The following C1orf105 variants were observed in gnomAD, a reference collection of about 807,000 sequenced individuals.
The protein encoded by C1orf105 is uncharacterized protein C1orf105.
In C1orf105, 17 loss-of-function variants were observed where a neutral mutation model predicts 20.8. The observed-to-expected ratio is 0.82, with a 90% CI of 0.56 to 1.23. C1orf105 has a LOEUF of 1.23. Among genes scored for constraint, C1orf105 ranks in the 50% most tolerant of loss-of-function variants. C1orf105 has a pLI of 0.00. For missense variants in C1orf105, 219 were observed against 213.5 expected, an observed-to-expected ratio of 1.03 and a Z score of -0.16; for synonymous variants, 72 against 72.1, an observed-to-expected ratio of 1.00 and a Z score of 0.01.
At chr1:172,451,039 A>T (rs1325434178) in intron 3 of C1orf105, 1 of 152,272 alleles carries the variant, frequency 6.6e-6, no homozygotes, top group African/African-American at 2.4e-5. Context: ...ATGCTGAGAA[A>T]CAGAAAGGTG....
chr1:172,442,410 G>A (rs1199434718), intron 1 of C1orf105: 1 of 1,614,034 alleles, frequency 6.2e-7, no homozygotes, highest in East Asian at 2.2e-5. Flanking sequence ...TATACCACCA[G>A]ATAACCACAA....
At chr1:172,430,252 A>G in intron 1 of C1orf105, 1 of 685,882 alleles carries the variant, frequency 1.5e-6, no homozygotes, top group Non-Finnish European at 2.6e-6. Context: ...GTAACTTCCC[A>G]CCACAACTGT....
intron 5 of C1orf105, among the ~76,000 whole-genome samples, chr1:172,464,441 A>C (rs1479435675): frequency 3.9e-5 from 6 of 152,242 alleles, no homozygotes; most frequent in Non-Finnish European, 8.8e-5. Context: ...CAAATATGTC[A>C]GTCTTTAGAA....
At chr1:172,425,239 A>T (rs1203182999) in intron 1 of C1orf105, among the ~76,000 whole-genome samples, 1 of 152,146 alleles carries the variant, frequency 6.6e-6, no homozygotes, top group Non-Finnish European at 1.5e-5. Flanking sequence ...TGATGGGCAT[A>T]AGGAGGCAGC....
chr1:172,462,233 G>C lies in C1orf105; in HGVS notation c.329G>C (p.Cys110Ser). 1 of 1,608,206 alleles carries C rather than the reference G, an allele frequency of 6.2e-7. No individual in the cohort carries two copies. Among genetic ancestry groups the C allele is most frequent in the Non-Finnish European group, 8.5e-7 (1 of 1,176,456 alleles). ...GATCCAAAAGCATCCTTTGAGAATT[G>C]TATGAGTTATAGGTAAGTCAACAAT... is the stretch of plus-strand genomic sequence containing the variant. ...PDDPKASFEN[C>S]MSYRMSLHQP... Residue 110 changes from cysteine to serine, a missense_variant, in exon 5 of 7, where the codon TGT becomes TCT. By Grantham distance (112) the Cys-to-Ser change is moderately radical (BLOSUM62 -1). Coordinates refer to ENST00000367727, the MANE Select transcript of C1orf105 (RefSeq NM_139240.4).
intron 1 of C1orf105, chr1:172,442,547 C>T: frequency 6.2e-7 from 1 of 1,614,160 alleles, no homozygotes; most frequent in East Asian, 2.2e-5. Context: ...ACATAGTTAT[C>T]AGGAAAGGGC....
At position 172,468,612 on chromosome 1, in the gene C1orf105, C is replaced by T. The variant is rs374648123; in HGVS notation, c.*18C>T. 26 of 1,608,310 alleles carry T rather than the reference C, an allele frequency of 1.6e-5. No individual in the cohort carries two copies. The highest frequency in any genetic ancestry group is 1.2e-4 in the African/African-American group (9 of 74,734). On this transcript the variant is annotated 3_prime_UTR_variant, in exon 7 of 7. Coordinates refer to ENST00000367727, the MANE Select transcript of C1orf105 (RefSeq NM_139240.4). The stretch of plus-strand genomic sequence containing the variant: ...GGCAGTGAGCGGTAGGAGCTCATCA[C>T]CTCCCAGACTCCCAGAGAGAAAATA...
intron 1 of C1orf105, among the ~76,000 whole-genome samples, chr1:172,434,429 A>C (rs2071971857): frequency 6.6e-6 from 1 of 152,256 alleles, no homozygotes; most frequent in South Asian, 2.1e-4. Flanking sequence ...CAATCAAATT[A>C]GAACTCAGGA....
intron 1 of C1orf105, among the ~76,000 whole-genome samples, chr1:172,426,906 A>T (rs953547090): frequency 8.5e-5 from 13 of 152,196 alleles, no homozygotes; most frequent in Non-Finnish European, 1.8e-4. Flanking sequence ...CATTCTGGGT[A>T]AATCTAACTC....
At chr1:172,453,265 G>A (rs56212963) in intron 3 of C1orf105, 88,673 of 1,443,686 alleles carry the variant, frequency 0.061, 2,899 homozygotes, top group Middle Eastern at 0.11. Flanking sequence ...TAGAGCATCC[G>A]CCTCTGTCTT....
At chr1:172,463,167 G>A (rs1649816126) in intron 5 of C1orf105, among the ~76,000 whole-genome samples, 1 of 152,110 alleles carries the variant, frequency 6.6e-6, no homozygotes, top group Non-Finnish European at 1.5e-5. Context: ...TGCAAAACAT[G>A]GACTCATTCT....
intron 2 of C1orf105, among the ~76,000 whole-genome samples, chr1:172,446,439 C>T (rs1015083154): frequency 2.6e-5 from 4 of 152,196 alleles, no homozygotes; most frequent in African/African-American, 9.7e-5. Context: ...AAATCACCTC[C>T]CCGCTTCAGC....
chr1:172,426,444 C>T (rs1013676765), intron 1 of C1orf105, among the ~76,000 whole-genome samples: 1 of 152,102 alleles, frequency 6.6e-6, no homozygotes, highest in Non-Finnish European at 1.5e-5. Context: ...ATTTTAGCTC[C>T]TGTTTCAATG....
chr1:172,460,538 A>G (rs1342055873), intron 4 of C1orf105, among the ~76,000 whole-genome samples: 1 of 152,238 alleles, frequency 6.6e-6, no homozygotes, highest in Non-Finnish European at 1.5e-5. Context: ...CCATCAAGCT[A>G]GACAACTGTA....
chr1:172,445,107 T>A lies in C1orf105; in HGVS notation c.56T>A (p.Leu19His). Reference protein sequence around the residue: ...SVPKFDKIPWLSEASLVNKPL... With the variant: ...SVPKFDKIPWHSEASLVNKPL... ...CCAAAATTTGACAAGATTCCTTGGC[T>A]TAGTGAGGCCAGCCTTGTAAACAAG... The change falls in exon 2 of 7, where the codon CTT becomes CAT. Residue 19 changes from leucine (L) to histidine (H), a missense_variant. By Grantham distance (99) the Leu-to-His change is moderately conservative. Coordinates refer to ENST00000367727, the MANE Select transcript of C1orf105 (RefSeq NM_139240.4). The A allele has an allele frequency of 6.2e-7, 1 of 1,613,848 alleles. No homozygotes were observed. Among genetic ancestry groups the A allele is most frequent in the Admixed American group, 1.7e-5 (1 of 59,952 alleles).
At chr1:172,453,043 G>A (rs1457409626) in intron 3 of C1orf105, 1 of 1,550,612 alleles carries the variant, frequency 6.4e-7, no homozygotes, top group Non-Finnish European at 8.7e-7. Flanking sequence ...GAGGCCTGCA[G>A]GACATGGCGT....
chr1:172,441,644 C>T (rs559856225), intron 1 of C1orf105: 302 of 1,198,796 alleles, frequency 2.5e-4, no homozygotes, highest in Non-Finnish European at 3.2e-4. Context: ...ATGCTGCTTC[C>T]AGAATGGAAC....
At chr1:172,448,208 CAG>C in intron 2 of C1orf105, among the ~76,000 whole-genome samples, 2 of 152,146 alleles carry the variant, frequency 1.3e-5, no homozygotes, top group African/African-American at 4.8e-5. Flanking sequence ...CTTGTTTGTA[CAG>C]TGTCTGACAA....
intron 4 of C1orf105, among the ~76,000 whole-genome samples, chr1:172,459,485 A>G (rs1046266552): frequency 2.0e-5 from 3 of 152,186 alleles, no homozygotes; most frequent in Non-Finnish European, 4.4e-5. Context: ...TCAAAACCAC[A>G]ATGAGACACA....
Sources: allele counts gnomAD v4.1 joint callset (sites outside exome capture counted in the v4.1 genomes callset), GRCh38; gene constraint gnomAD v4.1.1; transcripts MANE v1.5; gene names NCBI Gene and HGNC (gene_info 2026-07-23, HGNC 2026-07-21).